DCAF8L2: variants seen among roughly 807,000 people sequenced by gnomAD.
The protein encoded by DCAF8L2 is DDB1- and CUL4-associated factor 8-like protein 2.
For missense variants in DCAF8L2, 430 were observed against 490.7 expected, an observed-to-expected ratio of 0.88 and a Z score of 1.17; for synonymous variants, 200 against 190.9, an observed-to-expected ratio of 1.05 and a Z score of -0.39.
intron 1 of DCAF8L2, among the ~76,000 whole-genome samples, chrX:27,618,244 G>A (rs1927566882): frequency 9.0e-6 from 1 of 111,548 alleles, no homozygotes; most frequent in South Asian, 3.7e-4. Context: ...TCATAATCTA[G>A]ATTTTTAAGA....
chrX:27,742,912 A>C (rs1397330594), intron 4 of DCAF8L2, among the ~76,000 whole-genome samples: 2 of 111,988 alleles, frequency 1.8e-5, no homozygotes, highest in African/African-American at 3.2e-5. Flanking sequence ...GCAGTGTACC[A>C]GTGTCATTCT....
At chrX:27,670,474 G>GTT (rs1308027143) in intron 2 of DCAF8L2, among the ~76,000 whole-genome samples, 1 of 111,411 alleles carries the variant, frequency 9.0e-6, no homozygotes. Flanking sequence ...CATGAAGTGG[G>GTT]TTGTTGCTGC....
At chrX:27,617,462 A>T (rs1038826760) in intron 1 of DCAF8L2, among the ~76,000 whole-genome samples, 3 of 110,864 alleles carry the variant, frequency 2.7e-5, no homozygotes, top group African/African-American at 9.8e-5. Context: ...TCCTTCATGG[A>T]GTCTTAAAAG....
chrX:27,548,198 TCC>T, the DCAF8L2 span, among the ~76,000 whole-genome samples: 10,554 of 110,070 alleles, frequency 0.096, 406 homozygotes, highest in Non-Finnish European at 0.12. Context: ...TATGAATTTT[TCC>T]GATACCGGAA....
At chrX:27,683,776 G>A (rs1268432592) in intron 3 of DCAF8L2, among the ~76,000 whole-genome samples, 1 of 111,947 alleles carries the variant, frequency 8.9e-6, no homozygotes, top group Non-Finnish European at 1.9e-5. Context: ...CTTGCCTGGT[G>A]TAAGGATAAC....
intron 2 of DCAF8L2, among the ~76,000 whole-genome samples, chrX:27,643,757 G>C (rs1024662326): frequency 5.4e-5 from 6 of 111,427 alleles, no homozygotes; most frequent in Non-Finnish European, 1.1e-4. Context: ...TGAACACATC[G>C]TGTTCCTGAT....
At chrX:27,741,583 G>T (rs1216407326) in intron 4 of DCAF8L2, among the ~76,000 whole-genome samples, 1 of 111,685 alleles carries the variant, frequency 9.0e-6, no homozygotes. Flanking sequence ...AAAGTTCCTT[G>T]TGCTAGCTAA....
the DCAF8L2 span, among the ~76,000 whole-genome samples, chrX:27,531,227 G>A: frequency 9.0e-6 from 1 of 111,649 alleles, no homozygotes; most frequent in African/African-American, 3.3e-5. Flanking sequence ...GAAGGCGAAT[G>A]TGGAGCAAGG....
At chrX:27,564,956 G>A in the DCAF8L2 span, among the ~76,000 whole-genome samples, 1 of 109,335 alleles carries the variant, frequency 9.1e-6, no homozygotes, top group Non-Finnish European at 1.9e-5. Flanking sequence ...TGGGATTATA[G>A]GCATTAGGAA....
At chrX:27,719,773 A>G (rs1931828527) in intron 4 of DCAF8L2, among the ~76,000 whole-genome samples, 1 of 111,901 alleles carries the variant, frequency 8.9e-6, no homozygotes, top group African/African-American at 3.2e-5. Flanking sequence ...ATAGTGAATT[A>G]AATTTGTTCT....
chrX:27,722,917 G>T (rs111291838), intron 4 of DCAF8L2, among the ~76,000 whole-genome samples: 3,677 of 109,527 alleles, frequency 0.034, 152 homozygotes, highest in African/African-American at 0.11. Flanking sequence ...AAAGCTACTA[G>T]AAAAAAAATA....
At chrX:27,558,219 G>A in the DCAF8L2 span, among the ~76,000 whole-genome samples, 1 of 111,667 alleles carries the variant, frequency 9.0e-6, no homozygotes, top group Non-Finnish European at 1.9e-5. Context: ...GGATCACCTC[G>A]AATTCATGTA....
intron 3 of DCAF8L2, among the ~76,000 whole-genome samples, chrX:27,694,191 A>G (rs1223049637): frequency 3.6e-5 from 4 of 110,671 alleles, no homozygotes; most frequent in Non-Finnish European, 7.6e-5. Context: ...TGGGAGCAAT[A>G]GACACTGGAG....
rs748023168 is a variant in DCAF8L2, at chrX:27,681,513, G to A, written c.-143+3601G>A. 2.0e-4 allele frequency among the ~76,000 whole-genome samples: 22 copies of A among 111,270 alleles called. No individual in the cohort carries two copies. In the East Asian group the frequency reaches 6.2e-3, roughly 32 times the overall value. On this transcript the variant is annotated intron_variant, in intron 3 of 4. Transcript: ENST00000451261. ...ATCTCACTAACTAAAACACACTAAA[G>A]CAACAAAAATATACAGTACATCTAT... is the stretch of plus-strand genomic sequence containing the variant.
At chrX:27,663,268 T>C (rs752099330) in intron 2 of DCAF8L2, among the ~76,000 whole-genome samples, 2 of 112,443 alleles carry the variant, frequency 1.8e-5, no homozygotes, top group African/African-American at 6.4e-5. Flanking sequence ...ACTCATTTTA[T>C]AGTGCTTTGC....
the DCAF8L2 span, among the ~76,000 whole-genome samples, chrX:27,482,295 G>A: frequency 9.0e-6 from 1 of 111,464 alleles, no homozygotes; most frequent in South Asian, 3.7e-4. Context: ...ACAGAGAAGA[G>A]AACATCAAAT....
At chrX:27,528,077 AAATT>A in the DCAF8L2 span, among the ~76,000 whole-genome samples, 1 of 62,237 alleles carries the variant, frequency 1.6e-5, no homozygotes, top group Non-Finnish European at 3.2e-5. Context: ...TAATTTAATT[AAATT>A]AATTATTAGA....
chrX:27,538,930 G>A, the DCAF8L2 span, among the ~76,000 whole-genome samples: 2 of 112,386 alleles, frequency 1.8e-5, no homozygotes, highest in South Asian at 7.3e-4. Context: ...AATCTATGCC[G>A]AACTTAAGCA....
At chrX:27,603,019 G>C (rs1926720096) in intron 1 of DCAF8L2, among the ~76,000 whole-genome samples, 1 of 111,597 alleles carries the variant, frequency 9.0e-6, no homozygotes, top group African/African-American at 3.2e-5. Flanking sequence ...ATTTTATAAA[G>C]TATTCTTTAT....
Sources: allele counts gnomAD v4.1 joint callset (sites outside exome capture counted in the v4.1 genomes callset), GRCh38; gene constraint gnomAD v4.1.1; transcripts MANE v1.5; gene names NCBI Gene and HGNC (gene_info 2026-07-23, HGNC 2026-07-21).